LRRC53: variants seen among roughly 807,000 people sequenced by gnomAD.
The protein encoded by LRRC53 is leucine-rich repeat-containing protein 53.
LRRC53 carries 25 observed loss-of-function variants against 13.6 expected under a neutral mutation model. The observed-to-expected ratio is 1.83, with a 90% CI of 1.34 to 2.56. The LOEUF is 2.56. LRRC53 is among the 30% of genes most tolerant of loss of function. The pLI is 0.00. For missense variants in LRRC53, 527 were observed against 275.8 expected (o/e 1.91, Z -6.45); for synonymous variants, 204 against 109.8 (o/e 1.86, Z -5.37).
chr1:74,478,145 C>G (rs1485596052), intron 3 of LRRC53, among the ~76,000 whole-genome samples: 1 of 152,240 alleles, frequency 6.6e-6, no homozygotes. Context: ...ATAGATAACT[C>G]ACCACACGTG....
chr1:74,493,752 T>C (rs970648481), intron 1 of LRRC53, among the ~76,000 whole-genome samples: 1 of 152,174 alleles, frequency 6.6e-6, no homozygotes, highest in Non-Finnish European at 1.5e-5. Flanking sequence ...CTGGGGTATA[T>C]TCTTCTCACA....
At chr1:74,479,636 T>A (rs1277406180) in intron 3 of LRRC53, among the ~76,000 whole-genome samples, 1 of 152,192 alleles carries the variant, frequency 6.6e-6, no homozygotes, top group Non-Finnish European at 1.5e-5. Flanking sequence ...GACTAAGATA[T>A]ATGAGATTGC....
intron 1 of LRRC53, among the ~76,000 whole-genome samples, chr1:74,511,634 T>A (rs1392055407): frequency 1.3e-5 from 2 of 152,014 alleles, no homozygotes; most frequent in Admixed American, 6.6e-5. Flanking sequence ...CAATGATGGA[T>A]TAGAGATCTC....
intron 1 of LRRC53, among the ~76,000 whole-genome samples, chr1:74,498,696 A>G (rs1019646535): frequency 1.3e-5 from 2 of 152,132 alleles, no homozygotes; most frequent in African/African-American, 2.4e-5. Context: ...AAAATAATGA[A>G]CTACTAGATA....
At chr1:74,498,242 A>G (rs1208984311) in intron 1 of LRRC53, among the ~76,000 whole-genome samples, 1 of 152,178 alleles carries the variant, frequency 6.6e-6, no homozygotes, top group Non-Finnish European at 1.5e-5. Flanking sequence ...CAGTTTTTTT[A>G]ACCTTGACAT....
chr1:74,484,685 T>C (rs1668663550), intron 1 of LRRC53, among the ~76,000 whole-genome samples: 1 of 152,146 alleles, frequency 6.6e-6, no homozygotes, highest in Non-Finnish European at 1.5e-5. Flanking sequence ...GTTGGTGTGA[T>C]GACCAGAGTG....
intron 1 of LRRC53, among the ~76,000 whole-genome samples, chr1:74,486,725 T>G (rs1008934726): frequency 3.9e-5 from 6 of 151,972 alleles, no homozygotes; most frequent in Admixed American, 2.0e-4. Context: ...AGACTGAGTC[T>G]TGGGGCAATA....
In LRRC53 at chr1:74,492,410, C is replaced by T. The variant is rs9729226; in HGVS notation, c.-26-9035G>A. On this transcript the variant is annotated intron_variant, in intron 1 of 4. Coordinates refer to ENST00000294635, the MANE Select transcript of LRRC53 (RefSeq NM_001382280.1). ...AGGAGTTTTCAGCCCATTTTTCTTA[C>T]GTTATGACTAAAAATTAGAAATTTT... 7.8e-3 allele frequency: 8,843 copies of T among 1,129,902 alleles called. 448 individuals carry two copies. The African/African-American group carries it at 0.12, about 15-fold the overall frequency. 70.0% of individuals were successfully genotyped at this position (1,129,902 alleles called of 1,614,324 possible).
the LRRC53 span, among the ~76,000 whole-genome samples, chr1:74,530,625 C>T: frequency 4.6e-5 from 7 of 152,098 alleles, no homozygotes; most frequent in Middle Eastern, 3.2e-3. Context: ...TATTTCAATT[C>T]TCAAGGCCTC....
chr1:74,477,502 A>G (rs138041033), intron 3 of LRRC53, among the ~76,000 whole-genome samples: 42 of 152,300 alleles, frequency 2.8e-4, no homozygotes, highest in Non-Finnish European at 4.1e-4. Context: ...AATCATTATG[A>G]TGATATTTTA....
chr1:74,509,615 T>C (rs1487768779), intron 1 of LRRC53, among the ~76,000 whole-genome samples: 2 of 152,126 alleles, frequency 1.3e-5, no homozygotes, highest in Admixed American at 6.6e-5. Flanking sequence ...TAAATAAAAT[T>C]GAGGACAAAG....
In LRRC53 at chr1:74,469,440, A is replaced by G. The variant is rs1372404020; in HGVS notation, c.*438T>C. 1 of 153,106 alleles carries G rather than the reference A, an allele frequency of 6.5e-6. No individual in the cohort carries two copies. The highest frequency in any genetic ancestry group is 1.5e-5 in the Non-Finnish European group (1 of 68,496). The allele number at this position is 153,106 out of a possible 1,614,324, so 9.5% of individuals were successfully genotyped here. ...TTAGGAAAACAGATCAAACACAAAT[A>G]TGAATATATAATTATCCATGTAGAA... On this transcript the variant is annotated 3_prime_UTR_variant, in exon 5 of 5. Coordinates refer to ENST00000294635, the MANE Select transcript of LRRC53 (RefSeq NM_001382280.1).
the LRRC53 span, among the ~76,000 whole-genome samples, chr1:74,523,380 AT>A: frequency 7.2e-5 from 11 of 151,906 alleles, no homozygotes; most frequent in East Asian, 7.7e-4. Context: ...AGAACAAGCA[AT>A]TTTTTTTCCT....
At chr1:74,511,863 A>T (rs1317360709) in intron 1 of LRRC53, among the ~76,000 whole-genome samples, 2 of 152,202 alleles carry the variant, frequency 1.3e-5, no homozygotes, top group Admixed American at 6.5e-5. Flanking sequence ...CAAAGGCAGG[A>T]AAGTGGGAAC....
the LRRC53 span, among the ~76,000 whole-genome samples, chr1:74,527,285 A>T: frequency 6.6e-6 from 1 of 152,260 alleles, no homozygotes; most frequent in African/African-American, 2.4e-5. Flanking sequence ...TTTGTTAAAA[A>T]GAATCAGAGT....
At chr1:74,505,407 G>A (rs1485026107) in intron 1 of LRRC53, among the ~76,000 whole-genome samples, 2 of 152,204 alleles carry the variant, frequency 1.3e-5, no homozygotes, top group East Asian at 1.9e-4. Context: ...CATGGCAACT[G>A]TTGCTATGTT....
chr1:74,489,255 G>GTT, intron 1 of LRRC53: 1 of 1,606,648 alleles, frequency 6.2e-7, no homozygotes, highest in Non-Finnish European at 8.5e-7. Flanking sequence ...TGAGGTAAAA[G>GTT]CTTTAGCTTC....
the LRRC53 span, among the ~76,000 whole-genome samples, chr1:74,523,937 C>A: frequency 1.3e-5 from 2 of 152,116 alleles, no homozygotes; most frequent in Non-Finnish European, 2.9e-5. Flanking sequence ...CCCCCACCCC[C>A]GACAGGCCCC....
chr1:74,508,652 A>T (rs956289713), intron 1 of LRRC53, among the ~76,000 whole-genome samples: 1 of 152,198 alleles, frequency 6.6e-6, no homozygotes, highest in Non-Finnish European at 1.5e-5. Context: ...ACACAAACTG[A>T]GAAAACCAAC....
Sources: allele counts gnomAD v4.1 joint callset (sites outside exome capture counted in the v4.1 genomes callset), GRCh38; gene constraint gnomAD v4.1.1; transcripts MANE v1.5; gene names NCBI Gene and HGNC (gene_info 2026-07-23, HGNC 2026-07-21).